Variants in YAE1 observed in about 807,000 individuals in gnomAD.
YAE1 encodes the protein protein YAE1 homolog.
YAE1 carries 22 observed loss-of-function variants against 23.0 expected under a neutral mutation model. The ratio of observed to expected loss-of-function variants is 0.96; its 90% CI spans 0.68 to 1.37. The LOEUF is 1.37. Ranked by LOEUF, YAE1 falls within the 40% of genes most tolerant of loss-of-function variation. The probability of loss-of-function intolerance (pLI) is 0.00; values close to 1 mark genes in which losing one functional copy is unlikely to be tolerated. For synonymous variants in YAE1, 101 were observed against 97.0 expected (o/e 1.04, Z -0.24); for missense variants, 260 against 262.1 (o/e 0.99, Z 0.06).
chr7:39,611,016 C>T (rs553517305), downstream of YAE1, among the ~76,000 whole-genome samples: 5 of 151,880 alleles, frequency 3.3e-5, no homozygotes, highest in Admixed American at 6.6e-5. Context: ...GACATGGTGG[C>T]GAGCACCTGT....
At chr7:39,584,640 G>A (rs1358184993) in intron 2 of YAE1, among the ~76,000 whole-genome samples, 2 of 152,146 alleles carry the variant, frequency 1.3e-5, no homozygotes, top group Non-Finnish European at 2.9e-5. Context: ...GCCAGCAAAC[G>A]AGATGTAGAG....
intron 2 of YAE1, among the ~76,000 whole-genome samples, chr7:39,594,994 G>T (rs1790955125): frequency 6.6e-6 from 1 of 152,158 alleles, no homozygotes. Flanking sequence ...AGGTTATGAT[G>T]TTACGCTTTG....
intron 2 of YAE1, among the ~76,000 whole-genome samples, chr7:39,579,422 T>C (rs939263186): frequency 6.6e-6 from 1 of 152,158 alleles, no homozygotes; most frequent in African/African-American, 2.4e-5. Flanking sequence ...TTTCTATTTT[T>C]CTATGAGAGG....
At chr7:39,593,414 A>G (rs1034919401) in intron 2 of YAE1, among the ~76,000 whole-genome samples, 9 of 151,860 alleles carry the variant, frequency 5.9e-5, no homozygotes, top group Non-Finnish European at 4.4e-5. Context: ...CGCCCAGCTA[A>G]TTTTTGTATT....
At position 39,581,181 on chromosome 7, in the gene YAE1, A is replaced by G. The variant is rs574534409; in HGVS notation, c.251+10554A>G. Reference sequence around the variant, plus strand: ...TCTCTTTTTAGTCAACAAATCGACAACCAACTAGGTTTTCCTCTCATCAAA... The same window carrying G: ...TCTCTTTTTAGTCAACAAATCGACAGCCAACTAGGTTTTCCTCTCATCAAA... On this transcript the variant is annotated intron_variant, in intron 2 of 2. Transcript: ENST00000432096. Among the ~76,000 whole-genome samples, 4 of 152,350 alleles carry G rather than the reference A, an allele frequency of 2.6e-5. No homozygotes were observed. In the South Asian group the frequency reaches 8.3e-4, roughly 32 times the overall value.
intron 2 of YAE1, among the ~76,000 whole-genome samples, chr7:39,578,462 T>G (rs9768664): frequency 0.049 from 7,402 of 152,288 alleles, 579 homozygotes; most frequent in African/African-American, 0.17. Context: ...CAATAAATCT[T>G]TCTGCTGTTC....
intron 2 of YAE1, among the ~76,000 whole-genome samples, chr7:39,582,760 C>G (rs944371920): frequency 2.0e-5 from 3 of 151,442 alleles, no homozygotes; most frequent in Non-Finnish European, 4.4e-5. Context: ...GAACATGATA[C>G]TTCTGACCTC....
intron 2 of YAE1, among the ~76,000 whole-genome samples, chr7:39,588,647 A>T (rs939943399): frequency 6.6e-6 from 1 of 152,166 alleles, no homozygotes; most frequent in Non-Finnish European, 1.5e-5. Flanking sequence ...TACATGTATC[A>T]AGTATGTGGA....
At chr7:39,605,190 G>A (rs1393477674) in intron 2 of YAE1, among the ~76,000 whole-genome samples, 2 of 152,152 alleles carry the variant, frequency 1.3e-5, no homozygotes, top group Non-Finnish European at 2.9e-5. Context: ...AACCAGACCA[G>A]GTCAAAGTGA....
At chr7:39,587,046 T>C (rs1173978521) in intron 2 of YAE1, among the ~76,000 whole-genome samples, 7 of 127,344 alleles carry the variant, frequency 5.5e-5, no homozygotes, top group Non-Finnish European at 1.1e-4. Context: ...TTCTTTCTTT[T>C]CTTTCTTTCT....
intron 2 of YAE1, chr7:39,571,014 C>G (rs1790555802): frequency 6.2e-6 from 1 of 161,712 alleles, no homozygotes; most frequent in African/African-American, 2.4e-5. Flanking sequence ...ATTTAATTTA[C>G]TTTAGTCCTG....
chr7:39,597,362 G>T (rs941427057), intron 2 of YAE1, among the ~76,000 whole-genome samples: 6 of 152,112 alleles, frequency 3.9e-5, no homozygotes, highest in African/African-American at 1.4e-4. Flanking sequence ...TTGAGCCCAA[G>T]AGTTTGAGAC....
At chr7:39,609,511 GTTTAT>G in intron 2 of YAE1, 1 of 1,422,942 alleles carries the variant, frequency 7.0e-7, no homozygotes, top group South Asian at 1.4e-5. Flanking sequence ...TTCGTTATAA[GTTTAT>G]CAGAAAATGA....
chr7:39,586,496 C>T (rs566188366), intron 2 of YAE1, among the ~76,000 whole-genome samples: 1 of 144,868 alleles, frequency 6.9e-6, no homozygotes, highest in African/African-American at 2.6e-5. Context: ...TCATTTCTCT[C>T]TTTCTTTCTT....
At chr7:39,570,382 A>G in intron 1 of YAE1, 124 bp from the exon 2 acceptor site, 1 of 1,116,476 alleles carries the variant, frequency 9.0e-7, no homozygotes. Flanking sequence ...GTTATGCCAT[A>G]TTATGGTCAG....
Position 39,566,600 on chromosome 7 carries a change from G to A in YAE1, c.129+53G>A. On this transcript the variant is annotated intron_variant, in intron 1 of 2. Transcript: ENST00000223273. The stretch of plus-strand genomic sequence containing the variant: ...GCTGGGTTGTGGGAAGAGGCGCGGA[G>A]TTGTGAAGAAGCTGGGTCCAGAGTG... The A allele has an allele frequency of 4.4e-6, 7 of 1,606,750 alleles. No homozygotes were observed. The South Asian group carries it at 7.8e-5, about 18-fold the overall frequency.
At position 39,572,447 on chromosome 7, in the gene YAE1, A is replaced by G; in HGVS notation, c.422A>G (p.Asp141Gly). The stretch of plus-strand genomic sequence containing the variant: ...TTATTGGACTCCATTGAGGATATGG[A>G]CCTTTGTCATGTAGTTCCAGCTGAG... Reference protein sequence around the residue: ...VDLLDSIEDMDLCHVVPAEKK... With the variant: ...VDLLDSIEDMGLCHVVPAEKK... Residue 141 changes from aspartate to glycine, a missense_variant, in exon 3 of 3, where the codon GAC becomes GGC. Physicochemically the swap from Asp to Gly is moderately conservative, Grantham distance 94. Coordinates refer to ENST00000223273, the MANE Select transcript of YAE1 (RefSeq NM_020192.5). The G allele has an allele frequency of 6.2e-7, 1 of 1,614,166 alleles. No individual in the cohort carries two copies. Among genetic ancestry groups the G allele is most frequent in the South Asian group, 1.1e-5 (1 of 91,088 alleles).
At chr7:39,566,814 C>T (rs906793586) in intron 1 of YAE1, 2 of 355,008 alleles carry the variant, frequency 5.6e-6, no homozygotes, top group African/African-American at 2.1e-5. Flanking sequence ...GAACAGTTTG[C>T]AGTTTGTTGA....
intron 2 of YAE1, among the ~76,000 whole-genome samples, chr7:39,600,103 G>A (rs566779737): frequency 2.6e-5 from 4 of 152,264 alleles, no homozygotes; most frequent in South Asian, 4.1e-4. Context: ...AGTAAGGACC[G>A]TATCCAATTT....
Sources: allele counts gnomAD v4.1 joint callset (sites outside exome capture counted in the v4.1 genomes callset), GRCh38; gene constraint gnomAD v4.1.1; transcripts MANE v1.5; gene names NCBI Gene and HGNC (gene_info 2026-07-23, HGNC 2026-07-21).